ATP2C2: variants seen among roughly 807,000 people sequenced by gnomAD.
The protein encoded by ATP2C2 is calcium-transporting ATPase type 2C member 2.
ATP2C2 carries 171 observed loss-of-function variants against 110.8 expected under a neutral mutation model. The observed-to-expected ratio is 1.54, with a 90% CI of 1.36 to 1.75. The LOEUF (loss-of-function observed/expected upper bound fraction) is 1.75. Ranked by LOEUF, ATP2C2 falls within the 40% of genes most tolerant of loss-of-function variation. The pLI is 0.00. For synonymous variants in ATP2C2, 804 were observed against 508.4 expected (o/e 1.58, Z -7.82); for missense variants, 1,963 against 1,235.0 (o/e 1.59, Z -8.84).
chr16:84,439,458 G>C lies in ATP2C2; in HGVS notation c.1143G>C (p.Thr381=). 6.2e-7 allele frequency: 1 copy of C among 1,614,100 alleles called. No homozygotes were observed. The highest frequency in any genetic ancestry group is 8.5e-7 in the Non-Finnish European group (1 of 1,180,036). Residue 381 remains threonine (T), a synonymous_variant, in exon 13 of 27, where the codon ACG becomes ACC. Transcript: ENST00000262429. ...GCCSVLCSDK[T]GTLTANEMTV... is the part of the protein sequence containing the mutation. ...GCAGCGTTCTCTGTTCTGACAAGAC[G>C]GGGACTCTGACTGCCAATGAAATGA...
At chr16:84,453,453 C>T (rs896180130) in intron 20 of ATP2C2, 82 bp downstream of exon 20, 29 of 1,563,086 alleles carry the variant, frequency 1.9e-5, no homozygotes, top group African/African-American at 1.4e-4. Context: ...ATGCGTCCGT[C>T]GGGTGACAGT....
intron 17 of ATP2C2, among the ~76,000 whole-genome samples, chr16:84,450,268 T>C (rs940331043): frequency 3.1e-4 from 47 of 152,074 alleles, no homozygotes; most frequent in African/African-American, 1.1e-3. Flanking sequence ...CCAATCTGTG[T>C]TTAGTCTGGG....
intron 1 of ATP2C2, among the ~76,000 whole-genome samples, chr16:84,387,079 C>T (rs1259893148): frequency 2.0e-5 from 3 of 152,084 alleles, no homozygotes; most frequent in Non-Finnish European, 2.9e-5. Context: ...AACTGTTTGG[C>T]AGTGACGACT....
intron 1 of ATP2C2, among the ~76,000 whole-genome samples, chr16:84,368,955 G>C (rs766201908): frequency 6.6e-6 from 1 of 152,226 alleles, no homozygotes; most frequent in Non-Finnish European, 1.5e-5. Context: ...GGCCGAGAGT[G>C]GTTAAGTATA....
At chr16:84,385,231 G>T (rs149511253) in intron 1 of ATP2C2, among the ~76,000 whole-genome samples, 3 of 152,226 alleles carry the variant, frequency 2.0e-5, no homozygotes, top group Non-Finnish European at 2.9e-5. Flanking sequence ...TACATGGTGG[G>T]AACAGGAGCA....
chr16:84,463,605 C>G lies in ATP2C2; in HGVS notation c.2723-9C>G, dbSNP rs532218461. 2 of 1,608,918 alleles carry G rather than the reference C, an allele frequency of 1.2e-6. No individual in the cohort carries two copies. Among genetic ancestry groups the G allele is most frequent in the Non-Finnish European group, 1.7e-6 (2 of 1,175,388 alleles). ...CGTCCTGAATCTTTTCTGTTTTCTCCCTTGGCAGATTTGCTGTTTTTAACT... is the reference window on the plus strand; with the variant it reads ...CGTCCTGAATCTTTTCTGTTTTCTCGCTTGGCAGATTTGCTGTTTTTAACT... On this transcript the variant is annotated splice_polypyrimidine_tract_variant and intron_variant, in intron 26 of 26. Coordinates refer to ENST00000262429, the MANE Select transcript of ATP2C2 (RefSeq NM_014861.4).
intron 10 of ATP2C2, 47 bp downstream of exon 10, chr16:84,423,310 G>T (rs757208179): frequency 6.4e-7 from 1 of 1,558,930 alleles, no homozygotes. Context: ...AGATGGAGGG[G>T]AGCCATCATA....
At chr16:84,426,279 A>G (rs766543647) in intron 11 of ATP2C2, among the ~76,000 whole-genome samples, 3 of 151,876 alleles carry the variant, frequency 2.0e-5, no homozygotes, top group Non-Finnish European at 4.4e-5. Flanking sequence ...AAACAATTAG[A>G]TCTCTCAGGA....
Position 84,461,772 on chromosome 16 carries a change from T to C in ATP2C2, c.2540T>C (p.Val847Ala), listed in dbSNP as rs781647705. 15 of 1,614,088 alleles carry C rather than the reference T, an allele frequency of 9.3e-6. 1 individual carries two copies. In the Admixed American group the frequency reaches 2.5e-4, roughly 27 times the overall value. ...ACGACGATGACGTTCACTTGTTTTGTGTTTTTCGATCTCTTCAACGCCTTG... is the reference window on the plus strand; with the variant it reads ...ACGACGATGACGTTCACTTGTTTTGCGTTTTTCGATCTCTTCAACGCCTTG... ...RTTTMTFTCF[V>A]FFDLFNALTC... Residue 847 changes from valine to alanine, a missense_variant, in exon 25 of 27, where the codon GTG (valine) becomes GCG (alanine). Val to Ala is a moderately conservative substitution (Grantham distance 64, BLOSUM62 0). Coordinates refer to ENST00000262429, the MANE Select transcript of ATP2C2 (RefSeq NM_014861.4).
chr16:84,385,709 G>A (rs187364981), intron 1 of ATP2C2, among the ~76,000 whole-genome samples: 11 of 152,206 alleles, frequency 7.2e-5, no homozygotes, highest in Non-Finnish European at 1.5e-4. Flanking sequence ...CCTCTTCACA[G>A]AGCGGCAGGA....
At chr16:84,446,641 G>C (rs1002993605) in intron 16 of ATP2C2, among the ~76,000 whole-genome samples, 2 of 152,144 alleles carry the variant, frequency 1.3e-5, no homozygotes, top group East Asian at 3.8e-4. Context: ...CTTAAAGCAG[G>C]GTCCCTGGAG....
intron 11 of ATP2C2, among the ~76,000 whole-genome samples, chr16:84,436,681 G>A (rs1465520885): frequency 7.2e-5 from 11 of 152,066 alleles, no homozygotes; most frequent in African/African-American, 2.4e-4. Flanking sequence ...GGCCTCGGGT[G>A]GAGGTTTGGT....
intron 1 of ATP2C2, among the ~76,000 whole-genome samples, chr16:84,397,655 CAA>C (rs58934576): frequency 0.021 from 1,323 of 63,466 alleles, 105 homozygotes; most frequent in East Asian, 0.032. Flanking sequence ...GCCTGGGTGA[CAA>C]AAAAAAAAAA....
chr16:84,422,597 A>G, intron 8 of ATP2C2, 32 bp from the exon 9 acceptor site: 1 of 1,611,166 alleles, frequency 6.2e-7, no homozygotes, highest in South Asian at 1.1e-5. Context: ...CCCAGCCCTT[A>G]GATTTCATAC....
At chr16:84,436,912 G>A (rs967275271) in intron 11 of ATP2C2, among the ~76,000 whole-genome samples, 17 of 151,542 alleles carry the variant, frequency 1.1e-4, no homozygotes, top group African/African-American at 1.7e-4. Context: ...ACAGGCATGC[G>A]CCACCACGCC....
intron 11 of ATP2C2, among the ~76,000 whole-genome samples, chr16:84,429,572 G>T (rs920869679): frequency 2.6e-5 from 4 of 152,136 alleles, no homozygotes; most frequent in Non-Finnish European, 5.9e-5. Context: ...GTTGGGATTG[G>T]GGGAGGTTGT....
chr16:84,461,452 C>G, intron 24 of ATP2C2: 3 of 577,358 alleles, frequency 5.2e-6, no homozygotes, highest in Non-Finnish European at 9.3e-6. Flanking sequence ...GAGACAGTTA[C>G]TTCCTGGAGG....
At chr16:84,375,621 C>T (rs1481553164) in intron 1 of ATP2C2, among the ~76,000 whole-genome samples, 3 of 152,100 alleles carry the variant, frequency 2.0e-5, no homozygotes, top group Admixed American at 1.3e-4. Flanking sequence ...TGCTCACCCA[C>T]GTGGATTCCA....
At chr16:84,425,849 C>A (rs1567715418) in intron 11 of ATP2C2, 48 bp downstream of exon 11, 1 of 1,589,968 alleles carries the variant, frequency 6.3e-7, no homozygotes, top group Non-Finnish European at 8.6e-7. Context: ...GGTCAATGGG[C>A]TCTGAGCCCT....
Sources: gnomAD v4.1 joint callset for allele counts (sites outside exome capture counted in the v4.1 genomes callset) on GRCh38, gnomAD v4.1.1 for gene constraint, MANE v1.5 for transcripts, NCBI Gene and HGNC (gene_info 2026-07-23, HGNC 2026-07-21) for gene names.